The following PCDH15 variants were observed in gnomAD, a reference collection of about 807,000 sequenced individuals.
PCDH15 encodes protocadherin-15.
PCDH15 carries 129 observed loss-of-function variants against 178.5 expected under a neutral mutation model. The observed-to-expected ratio is 0.72, with a 90% CI of 0.63 to 0.84. The LOEUF is 0.84. Among genes scored for constraint, PCDH15 ranks in the 40% least tolerant of loss-of-function variants. The pLI, the probability that PCDH15 is intolerant of heterozygous loss-of-function variation, is 0.00. For synonymous variants in PCDH15, 800 were observed against 732.0 expected, an observed-to-expected ratio of 1.09 and a Z score of -1.50; for missense variants, 2,230 against 2,099.9, an observed-to-expected ratio of 1.06 and a Z score of -1.21.
chr10:54,475,308 A>G (rs1430295991), intron 3 of PCDH15, among the ~76,000 whole-genome samples: 1 of 152,024 alleles, frequency 6.6e-6, no homozygotes, highest in Non-Finnish European at 1.5e-5. Context: ...GAAACTTAAA[A>G]CTTTATTTAA....
intron 6 of PCDH15, among the ~76,000 whole-genome samples, chr10:54,341,543 C>A (rs906791880): frequency 6.6e-6 from 1 of 152,080 alleles, no homozygotes; most frequent in Non-Finnish European, 1.5e-5. Flanking sequence ...TGATAACAAA[C>A]TAATACAGGA....
chr10:54,376,734 C>A (rs1948498381), intron 4 of PCDH15, among the ~76,000 whole-genome samples: 1 of 151,738 alleles, frequency 6.6e-6, no homozygotes, highest in Non-Finnish European at 1.5e-5. Flanking sequence ...TCAGACATTA[C>A]AATTATTTAG....
At chr10:55,492,689 A>G (rs1261332814) in intron 2 of PCDH15, among the ~76,000 whole-genome samples, 1 of 151,440 alleles carries the variant, frequency 6.6e-6, no homozygotes, top group Non-Finnish European at 1.5e-5. Flanking sequence ...GTGCACGGGG[A>G]AAAAATGCAG....
At chr10:55,237,850 CAA>C (rs987918075) in intron 1 of PCDH15, among the ~76,000 whole-genome samples, 15 of 151,434 alleles carry the variant, frequency 9.9e-5, no homozygotes, top group African/African-American at 2.4e-5. Context: ...TGGAACATAA[CAA>C]CACATTATAT....
At chr10:55,465,838 G>A (rs1839820242) in intron 2 of PCDH15, among the ~76,000 whole-genome samples, 1 of 152,048 alleles carries the variant, frequency 6.6e-6, no homozygotes, top group Non-Finnish European at 1.5e-5. Context: ...AAATTAATAC[G>A]ATGTAAAATC....
chr10:55,120,869 C>A (rs1376322721), intron 2 of PCDH15, among the ~76,000 whole-genome samples: 1 of 152,148 alleles, frequency 6.6e-6, no homozygotes, highest in Non-Finnish European at 1.5e-5. Flanking sequence ...GCATAGAGTA[C>A]AAAAGCTGTG....
chr10:55,476,281 A>G (rs1346081226), intron 2 of PCDH15, among the ~76,000 whole-genome samples: 1 of 152,048 alleles, frequency 6.6e-6, no homozygotes, highest in Non-Finnish European at 1.5e-5. Flanking sequence ...TGCCTTTGAG[A>G]ATAGAAAAAG....
At chr10:54,736,551 T>G (rs1944151455) in intron 1 of PCDH15, among the ~76,000 whole-genome samples, 1 of 152,062 alleles carries the variant, frequency 6.6e-6, no homozygotes, top group African/African-American at 2.4e-5. Flanking sequence ...CAAAATAAAA[T>G]TCATGTTTCT....
intron 10 of PCDH15, among the ~76,000 whole-genome samples, chr10:54,203,414 G>A (rs2050452407): frequency 6.6e-6 from 1 of 152,092 alleles, no homozygotes. Context: ...TATCAATATA[G>A]TTTTGGGTGT....
intron 7 of PCDH15, among the ~76,000 whole-genome samples, chr10:54,318,477 C>T (rs946103618): frequency 1.4e-4 from 21 of 152,098 alleles, no homozygotes; most frequent in Non-Finnish European, 2.5e-4. Flanking sequence ...TTAACTTTGT[C>T]TAGTGCAATT....
intron 20 of PCDH15, among the ~76,000 whole-genome samples, chr10:54,003,797 AG>A (rs1196594047): frequency 6.6e-6 from 1 of 151,594 alleles, no homozygotes; most frequent in Non-Finnish European, 1.5e-5. Context: ...CATTCTATAA[AG>A]ACAATAATAC....
At chr10:55,399,844 A>T (rs543199552) in intron 2 of PCDH15, among the ~76,000 whole-genome samples, 1 of 152,272 alleles carries the variant, frequency 6.6e-6, no homozygotes, top group African/African-American at 2.4e-5. Flanking sequence ...TTTATGTAAT[A>T]TAAAAATATA....
intron 2 of PCDH15, among the ~76,000 whole-genome samples, chr10:54,615,910 T>C (rs1370038171): frequency 1.3e-5 from 2 of 152,156 alleles, no homozygotes; most frequent in East Asian, 1.9e-4. Flanking sequence ...ATACTTAGTC[T>C]TAATGTCAGT....
chr10:55,391,573 G>C lies in PCDH15; in HGVS notation c.-155-224922C>G, dbSNP rs551454533. Reference sequence around the variant, plus strand: ...GCAATCTTGGCTCACTGCAACCTCCGCCTCCCAGATTCAAGTGATTCTCTT... The same window carrying C: ...GCAATCTTGGCTCACTGCAACCTCCCCCTCCCAGATTCAAGTGATTCTCTT... On this transcript the variant is annotated intron_variant, in intron 2 of 5. Coordinates refer to the PCDH15 transcript ENST00000613346. 5.4e-4 allele frequency among the ~76,000 whole-genome samples: 82 copies of C among 152,010 alleles called. 2 individuals carry two copies. Among genetic ancestry groups the C allele is most frequent in the Admixed American group, 2.3e-3 (35 of 15,254 alleles).
intron 2 of PCDH15, among the ~76,000 whole-genome samples, chr10:54,928,883 C>A (rs1837695954): frequency 6.6e-6 from 1 of 152,110 alleles, no homozygotes; most frequent in Non-Finnish European, 1.5e-5. Context: ...ACTCCTGCAC[C>A]TCAAAGAGCT....
intron 20 of PCDH15, among the ~76,000 whole-genome samples, chr10:54,017,354 A>T (rs979767665): frequency 1.3e-5 from 2 of 152,178 alleles, no homozygotes; most frequent in African/African-American, 4.8e-5. Context: ...TCAAAGTTTT[A>T]TGAGTTACAA....
chr10:54,285,027 T>C (rs1354566375), intron 8 of PCDH15, among the ~76,000 whole-genome samples: 1 of 152,166 alleles, frequency 6.6e-6, no homozygotes, highest in African/African-American at 2.4e-5. Flanking sequence ...AAAGAAATTG[T>C]TTCCAAGAAA....
At chr10:53,989,272 A>G (rs1444565397) in intron 21 of PCDH15, among the ~76,000 whole-genome samples, 1 of 152,152 alleles carries the variant, frequency 6.6e-6, no homozygotes. Context: ...TCTGAAGGAC[A>G]CTTTTTTAAA....
rs1052839738 is a variant in PCDH15 at position 54,402,163 on chromosome 10, T to C, written c.158-23221A>G. 2.0e-5 allele frequency among the ~76,000 whole-genome samples: 3 copies of C among 151,874 alleles called. No individual in the cohort carries two copies. In the Admixed American group the frequency reaches 2.0e-4, roughly 10 times the overall value. ...ACTCAAACAACACAGAAAATTCATG[T>C]ATCAAAAGTAAACGTGTTCAAGATA... is the stretch of plus-strand genomic sequence containing the variant. On this transcript the variant is annotated intron_variant, in intron 3 of 37. Coordinates refer to ENST00000644397, the MANE Select transcript of PCDH15 (RefSeq NM_001384140.1).
Sources: gnomAD v4.1 joint callset for allele counts (sites outside exome capture counted in the v4.1 genomes callset) on GRCh38, gnomAD v4.1.1 for gene constraint, MANE v1.5 for transcripts, NCBI Gene and HGNC (gene_info 2026-07-23, HGNC 2026-07-21) for gene names.